Variants in NEDD4L observed in about 807,000 individuals in gnomAD.
NEDD4L encodes the protein NEDD4 like E3 ubiquitin protein ligase, also known as E3 ubiquitin-protein ligase NEDD4-like.
In NEDD4L, 54 loss-of-function variants were observed where a neutral mutation model predicts 148.9. That is an observed-to-expected ratio of 0.36 (90% CI 0.29 to 0.45). The LOEUF is 0.45. Ranked by LOEUF, NEDD4L falls within the 20% of genes least tolerant of loss-of-function variation. NEDD4L has a pLI of 1.00. For synonymous variants in NEDD4L, 433 were observed against 440.7 expected, an observed-to-expected ratio of 0.98 and a Z score of 0.22; for missense variants, 856 against 1,233.8, an observed-to-expected ratio of 0.69 and a Z score of 4.59.
At chr18:58,142,194 C>G (rs1027862319) in intron 1 of NEDD4L, among the ~76,000 whole-genome samples, 8 of 142,172 alleles carry the variant, frequency 5.6e-5, no homozygotes, top group African/African-American at 1.8e-4. Flanking sequence ...CTACAGGCAC[C>G]CGCCACCACG....
chr18:58,341,578 C>T, intron 14 of NEDD4L, 100 bp from the exon 15 acceptor site: 1 of 1,318,192 alleles, frequency 7.6e-7, no homozygotes, highest in Non-Finnish European at 1.0e-6. Flanking sequence ...GGCCAGACCT[C>T]TTATTATTGC....
At chr18:58,341,458 C>T (rs950914434) in intron 14 of NEDD4L, among the ~76,000 whole-genome samples, 9 of 152,118 alleles carry the variant, frequency 5.9e-5, no homozygotes, top group Admixed American at 3.3e-4. Context: ...CACTTTAATC[C>T]GAGGCTAGTT....
intron 1 of NEDD4L, among the ~76,000 whole-genome samples, chr18:58,100,065 G>C (rs2084658139): frequency 6.6e-6 from 1 of 152,132 alleles, no homozygotes; most frequent in Non-Finnish European, 1.5e-5. Context: ...GAGTTTCCTG[G>C]CAGCCAAGAC....
At chr18:58,187,673 A>G (rs1400896190) in intron 2 of NEDD4L, among the ~76,000 whole-genome samples, 1 of 152,208 alleles carries the variant, frequency 6.6e-6, no homozygotes, top group Non-Finnish European at 1.5e-5. Flanking sequence ...AAATTACCAG[A>G]TACTTGAAAT....
chr18:58,165,639 A>C, intron 1 of NEDD4L, 149 bp from the exon 2 acceptor site: 1 of 1,511,148 alleles, frequency 6.6e-7, no homozygotes, highest in Non-Finnish European at 8.9e-7. Context: ...TTTGAACTTC[A>C]GTGTAAGGAA....
chr18:58,269,254 G>GAATATAGATATTATCTATAGAATATAA (rs2050682080), intron 5 of NEDD4L, among the ~76,000 whole-genome samples: 1 of 151,958 alleles, frequency 6.6e-6, no homozygotes, highest in Non-Finnish European at 1.5e-5. Flanking sequence ...TTTATCTATA[G>GAATATAGATATTATCTATAGAATATAA]AACAGATATC....
intron 1 of NEDD4L, among the ~76,000 whole-genome samples, chr18:58,071,270 C>T (rs1161974374): frequency 6.6e-6 from 1 of 152,102 alleles, no homozygotes; most frequent in African/African-American, 2.4e-5. Context: ...TGGTCATGAT[C>T]AGGCCACTGT....
chr18:58,100,094 G>T (rs1411359629), intron 1 of NEDD4L, among the ~76,000 whole-genome samples: 1 of 152,086 alleles, frequency 6.6e-6, no homozygotes, highest in Non-Finnish European at 1.5e-5. Flanking sequence ...AAGCATGCTG[G>T]GATGATGCAT....
intron 5 of NEDD4L, among the ~76,000 whole-genome samples, chr18:58,306,299 G>C (rs1056945243): frequency 1.3e-5 from 2 of 151,786 alleles, no homozygotes; most frequent in Non-Finnish European, 1.5e-5. Flanking sequence ...GGAGATGAGG[G>C]GGGTGAAGTA....
rs140626845 is a variant in NEDD4L at position 58,366,953 on chromosome 18, G to C, written c.2063+725G>C. Among the ~76,000 whole-genome samples the C allele has an allele frequency of 1.2e-4, 19 of 152,336 alleles. No homozygotes were observed. The East Asian group carries it at 3.7e-3, about 29-fold the overall frequency. ...AGTCTCCTGGGGGCTCATTTGGAAGGCCGCCTCAGTACATTCTTCCTGGTT... is the reference window on the plus strand; with the variant it reads ...AGTCTCCTGGGGGCTCATTTGGAAGCCCGCCTCAGTACATTCTTCCTGGTT... On this transcript the variant is annotated intron_variant, in intron 21 of 30. Transcript: ENST00000400345. The surrounding 1 kb of genome is among the most constrained non-coding windows in gnomAD (Gnocchi z 4.2).
intron 5 of NEDD4L, among the ~76,000 whole-genome samples, chr18:58,278,465 G>A (rs760829270): frequency 2.0e-5 from 3 of 152,132 alleles, no homozygotes; most frequent in Admixed American, 1.3e-4. Flanking sequence ...TCTAATCCAC[G>A]TCCCACATTA....
chr18:58,092,594 A>G (rs1483585996), intron 1 of NEDD4L, among the ~76,000 whole-genome samples: 5 of 152,126 alleles, frequency 3.3e-5, no homozygotes, highest in African/African-American at 9.6e-5. Flanking sequence ...GGAGATGAGT[A>G]GGAATCACCA....
At chr18:58,120,106 C>T (rs1304548638) in intron 1 of NEDD4L, among the ~76,000 whole-genome samples, 1 of 152,214 alleles carries the variant, frequency 6.6e-6, no homozygotes, top group African/African-American at 2.4e-5. Context: ...TCCCTTCTTG[C>T]TTGCTCTCTT....
intron 23 of NEDD4L, 118 bp downstream of exon 23, chr18:58,370,585 C>G: frequency 1.4e-6 from 1 of 708,688 alleles, no homozygotes; most frequent in South Asian, 1.5e-5. Context: ...TCCATGTGAA[C>G]AACAGGAGAC....
chr18:58,302,861 C>T (rs1285450130), intron 5 of NEDD4L, among the ~76,000 whole-genome samples: 1 of 152,246 alleles, frequency 6.6e-6, no homozygotes. Flanking sequence ...TACTTCAGAT[C>T]TCCACCTGTG....
At chr18:58,372,830 C>CAA (rs11318354) in intron 23 of NEDD4L, among the ~76,000 whole-genome samples, 1,534 of 132,766 alleles carry the variant, frequency 0.012, 16 homozygotes, top group South Asian at 0.048. Flanking sequence ...ATCTCAAAAA[C>CAA]AAAAAAAAAA....
intron 4 of NEDD4L, 81 bp from the exon 5 acceptor site, chr18:58,251,920 G>GTA (rs1489372285): frequency 1.5e-5 from 12 of 787,614 alleles, no homozygotes; most frequent in Non-Finnish European, 2.5e-5. Flanking sequence ...TTGTAAAGCA[G>GTA]TATGTTATTC....
At chr18:58,227,891 G>A in intron 2 of NEDD4L, 1 of 977,946 alleles carries the variant, frequency 1.0e-6, no homozygotes, top group Non-Finnish European at 1.2e-6. Flanking sequence ...AACCAAGTGT[G>A]AGTCTGATAA....
At chr18:58,273,003 G>A (rs2051289533) in intron 5 of NEDD4L, among the ~76,000 whole-genome samples, 1 of 152,244 alleles carries the variant, frequency 6.6e-6, no homozygotes, top group Non-Finnish European at 1.5e-5. Context: ...CCCCAACTCA[G>A]GAGTGGCCTG....
Sources: gnomAD v4.1 joint callset for allele counts (sites outside exome capture counted in the v4.1 genomes callset) on GRCh38, gnomAD v4.1.1 for gene constraint, Gnocchi (gnomAD v3.1) non-coding constraint, MANE v1.5 for transcripts, NCBI Gene and HGNC (gene_info 2026-07-23, HGNC 2026-07-21) for gene names.